The following LYPD6B variants were observed in gnomAD, a reference collection of about 807,000 sequenced individuals.
The protein encoded by LYPD6B is ly6/PLAUR domain-containing protein 6B.
Under a neutral mutation model 22.8 loss-of-function variants are expected in LYPD6B, and 17 were observed. The ratio of observed to expected loss-of-function variants is 0.75; its 90% CI spans 0.51 to 1.12. The LOEUF (loss-of-function observed/expected upper bound fraction) is 1.12, where lower values mean the gene tolerates loss of function less well. Among genes scored for constraint, LYPD6B ranks in the 50% most tolerant of loss-of-function variants. The pLI, the probability that LYPD6B is intolerant of heterozygous loss-of-function variation, is 0.00. For missense variants in LYPD6B, 221 were observed against 258.3 expected, an observed-to-expected ratio of 0.86 and a Z score of 0.99; for synonymous variants, 106 against 91.6, an observed-to-expected ratio of 1.16 and a Z score of -0.90.
At chr2:149,172,346 C>G (rs1373409798) in intron 3 of LYPD6B, among the ~76,000 whole-genome samples, 3 of 152,200 alleles carry the variant, frequency 2.0e-5, no homozygotes, top group Non-Finnish European at 4.4e-5. Flanking sequence ...GGTGGGGACA[C>G]AGCCAAACCA....
At chr2:149,066,483 A>G (rs550462532) in intron 1 of LYPD6B, among the ~76,000 whole-genome samples, 4 of 152,068 alleles carry the variant, frequency 2.6e-5, no homozygotes, top group Admixed American at 2.6e-4. Context: ...AGCTTCATCC[A>G]TGTCCCTACA....
At chr2:149,039,975 G>A (rs1682996852) in intron 1 of LYPD6B, among the ~76,000 whole-genome samples, 1 of 152,188 alleles carries the variant, frequency 6.6e-6, no homozygotes, top group African/African-American at 2.4e-5. Flanking sequence ...AAGGTCGAGG[G>A]TTTCAGTTTA....
At chr2:149,206,233 T>C (rs1472431898) in intron 4 of LYPD6B, 1 of 230,304 alleles carries the variant, frequency 4.3e-6, no homozygotes, top group East Asian at 1.0e-4. Flanking sequence ...TTTTCTCTGC[T>C]TTTCTTTTTT....
chr2:149,121,648 A>G (rs896949755), intron 1 of LYPD6B, among the ~76,000 whole-genome samples: 27 of 152,192 alleles, frequency 1.8e-4, no homozygotes, highest in African/African-American at 5.8e-4. Flanking sequence ...ATGAGGGCTC[A>G]TAGCCAGTCC....
At chr2:149,087,431 C>A (rs185732991) in intron 1 of LYPD6B, among the ~76,000 whole-genome samples, 1 of 152,148 alleles carries the variant, frequency 6.6e-6, no homozygotes, top group South Asian at 2.1e-4. Flanking sequence ...TTGAGTTTGA[C>A]GGCTCATGCC....
At chr2:149,060,397 C>T (rs1008347745) in intron 1 of LYPD6B, among the ~76,000 whole-genome samples, 1 of 152,168 alleles carries the variant, frequency 6.6e-6, no homozygotes, top group African/African-American at 2.4e-5. Flanking sequence ...CTCATAACTA[C>T]AGCACATACA....
chr2:149,108,803 T>C (rs971009043), intron 1 of LYPD6B, among the ~76,000 whole-genome samples: 19 of 152,164 alleles, frequency 1.2e-4, no homozygotes, highest in African/African-American at 4.3e-4. Flanking sequence ...ATTGAGTTTT[T>C]AAAAAATAAT....
At chr2:149,168,888 T>G (rs182122913) in intron 3 of LYPD6B, among the ~76,000 whole-genome samples, 1 of 152,312 alleles carries the variant, frequency 6.6e-6, no homozygotes, top group East Asian at 1.9e-4. Context: ...CCAAACAGAT[T>G]GTTGCCAAAA....
chr2:149,109,899 T>C (rs535720345), intron 1 of LYPD6B, among the ~76,000 whole-genome samples: 1 of 151,960 alleles, frequency 6.6e-6, no homozygotes, highest in Non-Finnish European at 1.5e-5. Context: ...TTAATAGAGA[T>C]GGGGTTTCAC....
chr2:149,053,489 C>A (rs9636278), intron 1 of LYPD6B, among the ~76,000 whole-genome samples: 9,197 of 152,194 alleles, frequency 0.06, 485 homozygotes, highest in East Asian at 0.29. Flanking sequence ...AAATATAATA[C>A]CCATTTTCAA....
chr2:149,055,039 T>G (rs1346623090), intron 1 of LYPD6B, among the ~76,000 whole-genome samples: 1 of 152,216 alleles, frequency 6.6e-6, no homozygotes, highest in Non-Finnish European at 1.5e-5. Context: ...TCCATGTAGA[T>G]ATTTGATCTA....
intron 1 of LYPD6B, among the ~76,000 whole-genome samples, chr2:149,065,655 A>G (rs1277223458): frequency 6.6e-6 from 1 of 152,222 alleles, no homozygotes; most frequent in Non-Finnish European, 1.5e-5. Context: ...AATGCAGATT[A>G]TCAGGTTCTA....
intron 2 of LYPD6B, among the ~76,000 whole-genome samples, chr2:149,148,604 G>A (rs1041388987): frequency 6.6e-6 from 1 of 152,186 alleles, no homozygotes; most frequent in Non-Finnish European, 1.5e-5. Flanking sequence ...GTTTCCAGAC[G>A]TGTGGTGTTA....
chr2:149,163,651 C>T (rs993599887), intron 3 of LYPD6B, among the ~76,000 whole-genome samples: 1 of 152,128 alleles, frequency 6.6e-6, no homozygotes, highest in African/African-American at 2.4e-5. Flanking sequence ...GGTATCAGTT[C>T]TTCCCTCAGG....
intron 1 of LYPD6B, among the ~76,000 whole-genome samples, chr2:149,076,705 T>TA (rs1684893615): frequency 1.3e-5 from 2 of 152,146 alleles, no homozygotes; most frequent in Non-Finnish European, 2.9e-5. Flanking sequence ...GATGAAATTT[T>TA]AAAAAAACTG....
intron 1 of LYPD6B, among the ~76,000 whole-genome samples, chr2:149,105,531 A>T (rs1010471376): frequency 1.3e-5 from 2 of 152,166 alleles, no homozygotes; most frequent in African/African-American, 4.8e-5. Flanking sequence ...TTATTGTCAG[A>T]TTTACCCCTC....
chr2:149,141,191 C>T (rs1688671373), intron 2 of LYPD6B, among the ~76,000 whole-genome samples: 1 of 152,100 alleles, frequency 6.6e-6, no homozygotes. Context: ...GACTAAGTGA[C>T]GTTTGGGCAG....
At chr2:149,196,273 G>A (rs1575162259) in intron 3 of LYPD6B, among the ~76,000 whole-genome samples, 1 of 152,144 alleles carries the variant, frequency 6.6e-6, no homozygotes, top group East Asian at 1.9e-4. Flanking sequence ...AAGCTTGTCA[G>A]CTTCCAGAGA....
At chr2:149,178,432 C>G (rs758012367) in intron 3 of LYPD6B, among the ~76,000 whole-genome samples, 32 of 152,144 alleles carry the variant, frequency 2.1e-4, no homozygotes, top group Non-Finnish European at 3.7e-4. Flanking sequence ...TTACTCCCCC[C>G]ACCCCCGTGA....
Sources: gnomAD v4.1 joint callset for allele counts (sites outside exome capture counted in the v4.1 genomes callset) on GRCh38, gnomAD v4.1.1 for gene constraint, MANE v1.5 for transcripts, NCBI Gene and HGNC (gene_info 2026-07-23, HGNC 2026-07-21) for gene names.